The following CARS2 variants were observed in gnomAD, a reference collection of about 807,000 sequenced individuals.
CARS2 encodes probable cysteine--tRNA ligase, mitochondrial.
Under a neutral mutation model 68.8 loss-of-function variants are expected in CARS2, and 52 were observed. The observed-to-expected ratio is 0.76, with a 90% confidence interval of 0.61 to 0.95. CARS2 has a LOEUF of 0.95. Among genes scored for constraint, CARS2 ranks in the 40% least tolerant of loss-of-function variants. The pLI is 0.00. For synonymous variants in CARS2, 314 were observed against 303.6 expected, an observed-to-expected ratio of 1.03 and a Z score of -0.36; for missense variants, 780 against 754.2, an observed-to-expected ratio of 1.03 and a Z score of -0.40.
chr13:110,683,171 A>C, intron 5 of CARS2, 37 bp from the exon 6 acceptor site: 3 of 1,385,220 alleles, frequency 2.2e-6, no homozygotes, highest in Non-Finnish European at 3.0e-6. Flanking sequence ...ATCACTTCTC[A>C]GTCTGAATAT....
In CARS2 at chr13:110,667,043, G is replaced by A. The variant is rs559122925; in HGVS notation, c.919+297C>T. The A allele has an allele frequency of 1.3e-4, 100 of 766,660 alleles. No individual in the cohort carries two copies. The Middle Eastern group carries it at 2.6e-3, about 20-fold the overall frequency. The allele number at this position is 766,660 out of a possible 1,614,324, so 47.5% of individuals were successfully genotyped here. A position where few individuals can be genotyped will look rare whatever the true frequency, so the allele number is the denominator to read the frequency against. On this transcript the variant is annotated intron_variant, in intron 8 of 14. Transcript: ENST00000257347. ...TTCAGAAAGGATGTTCATAATTATC[G>A]TTACATTGTACTACTTCAAGTTCCT...
At chr13:110,644,840 G>A (rs182453618) in intron 12 of CARS2, 72 of 238,592 alleles carry the variant, frequency 3.0e-4, no homozygotes, top group African/African-American at 1.2e-3. Context: ...ATCCTGGTAC[G>A]TGGCTCACAT....
upstream of CARS2, among the ~76,000 whole-genome samples, chr13:110,706,773 ACAT>A (rs1454387733): frequency 6.8e-6 from 1 of 146,456 alleles, no homozygotes; most frequent in African/African-American, 2.5e-5. Flanking sequence ...CCCAGCACAC[ACAT>A]CAGCATCCCA....
intron 6 of CARS2, among the ~76,000 whole-genome samples, chr13:110,679,597 A>AAG (rs1198413028): frequency 1.9e-3 from 85 of 43,680 alleles, no homozygotes; most frequent in African/African-American, 3.7e-3. Flanking sequence ...GAAAGAAAGA[A>AAG]AGAGAGAGAG....
At chr13:110,657,671 A>G (rs2062405179) in intron 9 of CARS2, among the ~76,000 whole-genome samples, 1 of 152,262 alleles carries the variant, frequency 6.6e-6, no homozygotes, top group African/African-American at 2.4e-5. Context: ...CAATTAGACA[A>G]CCATGACTTT....
intron 10 of CARS2, chr13:110,650,804 G>A: frequency 2.0e-6 from 1 of 492,810 alleles, no homozygotes; most frequent in Non-Finnish European, 3.6e-6. Flanking sequence ...AAGGAGTGGA[G>A]AGGACTCGAG....
intron 3 of CARS2, among the ~76,000 whole-genome samples, chr13:110,693,042 G>A (rs1319048540): frequency 6.7e-6 from 1 of 149,722 alleles, no homozygotes; most frequent in African/African-American, 2.5e-5. Context: ...CTCGGGAGGC[G>A]GAGGTTGCAG....
intron 2 of CARS2, among the ~76,000 whole-genome samples, chr13:110,702,720 G>A (rs923210991): frequency 2.6e-5 from 4 of 152,128 alleles, no homozygotes; most frequent in Admixed American, 6.5e-5. Context: ...ACCCTGAGAC[G>A]CTGCAGGCAG....
intron 3 of CARS2, among the ~76,000 whole-genome samples, chr13:110,688,292 AAAAC>A (rs2063363627): frequency 1.3e-5 from 2 of 152,276 alleles, no homozygotes; most frequent in Middle Eastern, 3.4e-3. Flanking sequence ...TATATAGTAA[AAAAC>A]AAACCAGCTG....
chr13:110,693,025 G>A (rs1332770822), intron 3 of CARS2, among the ~76,000 whole-genome samples: 20 of 147,128 alleles, frequency 1.4e-4, no homozygotes, highest in African/African-American at 3.8e-4. Flanking sequence ...CAGGAGAATC[G>A]CTTGAACTCG....
At chr13:110,708,005 T>C (rs1308510340), upstream of CARS2, among the ~76,000 whole-genome samples, 1 of 152,234 alleles carries the variant, frequency 6.6e-6, no homozygotes, top group Admixed American at 6.5e-5. Flanking sequence ...TAAATTCTCC[T>C]GAATATTATC....
intron 5 of CARS2, among the ~76,000 whole-genome samples, chr13:110,685,992 G>GAAAA (rs10668818): frequency 2.3e-4 from 30 of 128,798 alleles, no homozygotes; most frequent in African/African-American, 3.3e-4. Flanking sequence ...CAGAAAAAAT[G>GAAAA]AAAAAAAAAA....
chr13:110,666,873 T>G, intron 8 of CARS2: 1 of 985,410 alleles, frequency 1.0e-6, no homozygotes, highest in Non-Finnish European at 1.2e-6. Context: ...CCAAAACTGC[T>G]GGGTTCGAGG....
chr13:110,705,500 A>G lies in CARS2; in HGVS notation c.275+21T>C. 6.4e-7 allele frequency: 1 copy of G among 1,561,288 alleles called. No homozygotes were observed. The highest frequency in any genetic ancestry group is 8.7e-7 in the Non-Finnish European group (1 of 1,149,580). On this transcript the variant is annotated intron_variant, in intron 2 of 14. Coordinates refer to ENST00000257347, the MANE Select transcript of CARS2 (RefSeq NM_024537.4). This position sits in a 1 kb window ranked among gnomAD's most constrained non-coding sequence, Gnocchi z 4.0. ...ATAAATGGTCCTTTGAAGTATGAAA[A>G]TTCAAATCCAGGAAACTCACCAAGC...
chr13:110,708,347 A>C (rs114794097), upstream of CARS2, among the ~76,000 whole-genome samples: 37 of 152,364 alleles, frequency 2.4e-4, no homozygotes, highest in African/African-American at 8.9e-4. Flanking sequence ...CAAAAAGCTC[A>C]GTTGCAATCT....
At chr13:110,642,142 GGTT>G (rs1887421849) in intron 14 of CARS2, among the ~76,000 whole-genome samples, 170 bp downstream of exon 14, 1 of 152,196 alleles carries the variant, frequency 6.6e-6, no homozygotes, top group African/African-American at 2.4e-5. Flanking sequence ...CAGAGGCAGA[GGTT>G]GTGGTGAGCC....
intron 7 of CARS2, 44 bp from the exon 8 acceptor site, chr13:110,667,517 A>T: frequency 6.3e-7 from 1 of 1,592,174 alleles, no homozygotes; most frequent in Non-Finnish European, 8.6e-7. Context: ...CAATCAAGCA[A>T]CATATTTTCT....
At chr13:110,647,856 A>G (rs1470034158) in intron 10 of CARS2, among the ~76,000 whole-genome samples, 3 of 126,902 alleles carry the variant, frequency 2.4e-5, no homozygotes, top group Non-Finnish European at 4.9e-5. Context: ...TCGCTTTGCA[A>G]TGATCACATA....
At chr13:110,666,596 C>G (rs757945652) in intron 8 of CARS2, 5 of 985,398 alleles carry the variant, frequency 5.1e-6, no homozygotes, top group Non-Finnish European at 6.0e-6. Context: ...CTGCTGCGGA[C>G]CAGAAAACCA....
Sources: allele counts gnomAD v4.1 joint callset (sites outside exome capture counted in the v4.1 genomes callset), GRCh38; gene constraint gnomAD v4.1.1; non-coding constraint Gnocchi (gnomAD v3.1); transcripts MANE v1.5; gene names NCBI Gene and HGNC (gene_info 2026-07-23, HGNC 2026-07-21).